The following CFAP61 variants were observed in gnomAD, a reference collection of about 807,000 sequenced individuals.
CFAP61 encodes cilia and flagella associated protein 61.
A neutral mutation model predicts 135.6 loss-of-function variants in CFAP61; 107 were observed. That is an observed-to-expected ratio of 0.79 (90% CI 0.67 to 0.93). CFAP61 has a LOEUF of 0.93. CFAP61 is among the 40% of genes least tolerant of loss of function. The pLI is 0.00. For synonymous variants in CFAP61, 575 were observed against 578.5 expected (o/e 0.99, Z 0.09); for missense variants, 1,507 against 1,556.2 (o/e 0.97, Z 0.53).
chr20:20,335,207 T>G (rs989330392), intron 25 of CFAP61, among the ~76,000 whole-genome samples: 9 of 152,286 alleles, frequency 5.9e-5, no homozygotes, highest in African/African-American at 1.7e-4. Flanking sequence ...AGTGTTCGGT[T>G]TTGGAGTAGT....
At chr20:20,183,669 A>T (rs1416288821) in intron 13 of CFAP61, among the ~76,000 whole-genome samples, 2 of 30,266 alleles carry the variant, frequency 6.6e-5, no homozygotes, top group East Asian at 4.6e-4. Flanking sequence ...AACCCATTAT[A>T]TCCAAAATAT....
chr20:20,112,541 G>A (rs1158131456), intron 8 of CFAP61, among the ~76,000 whole-genome samples: 1 of 151,334 alleles, frequency 6.6e-6, no homozygotes, highest in African/African-American at 2.4e-5. Context: ...GATTTTCCAG[G>A]GGCTTTCTGG....
At chr20:20,187,894 A>G in intron 13 of CFAP61, 36 bp from the exon 14 acceptor site, 3 of 1,544,778 alleles carry the variant, frequency 1.9e-6, no homozygotes, top group South Asian at 2.2e-5. Flanking sequence ...CATATTTAGT[A>G]CTTTAACTTA....
intron 13 of CFAP61, among the ~76,000 whole-genome samples, chr20:20,174,783 A>G (rs1295131748): frequency 6.6e-6 from 1 of 152,056 alleles, no homozygotes; most frequent in Non-Finnish European, 1.5e-5. Context: ...TGAGTGTGCT[A>G]ACAAATGAAT....
At chr20:20,064,613 A>G (rs1310681023) in intron 2 of CFAP61, among the ~76,000 whole-genome samples, 1 of 152,220 alleles carries the variant, frequency 6.6e-6, no homozygotes, top group African/African-American at 2.4e-5. Context: ...TCAGAATGGC[A>G]TGCAATTATA....
intron 18 of CFAP61, among the ~76,000 whole-genome samples, chr20:20,243,048 A>G (rs1420809959): frequency 6.6e-6 from 1 of 152,230 alleles, no homozygotes; most frequent in East Asian, 1.9e-4. Context: ...GGCCATTTAC[A>G]AAAGAAAGAG....
intron 20 of CFAP61, among the ~76,000 whole-genome samples, chr20:20,256,044 C>G (rs2051529185): frequency 6.6e-6 from 1 of 152,164 alleles, no homozygotes; most frequent in South Asian, 2.1e-4. Context: ...TCTCTGCCTC[C>G]CAGGCCCCAC....
chr20:20,337,350 GTGGGTGGATGGATGGA>G (rs1569310576), intron 25 of CFAP61, among the ~76,000 whole-genome samples: 15 of 6,028 alleles, frequency 2.5e-3, no homozygotes, highest in East Asian at 0.01. Flanking sequence ...AGATGGGTGG[GTGGGTGGATGGATGGA>G]TGGATGGATG....
intron 25 of CFAP61, among the ~76,000 whole-genome samples, chr20:20,311,426 G>A (rs1052173793): frequency 2.0e-5 from 3 of 152,178 alleles, no homozygotes; most frequent in South Asian, 2.1e-4. Flanking sequence ...TAGACATCAG[G>A]CAATGAAGGA....
At chr20:20,190,606 A>G (rs988372976) in intron 14 of CFAP61, among the ~76,000 whole-genome samples, 22 of 152,090 alleles carry the variant, frequency 1.4e-4, no homozygotes, top group Admixed American at 6.5e-5. Context: ...ACACCCCCAC[A>G]ATTGTATCAA....
chr20:20,151,332 T>A (rs1267164533), intron 9 of CFAP61, among the ~76,000 whole-genome samples: 1 of 112,458 alleles, frequency 8.9e-6, no homozygotes. Flanking sequence ...GCTTTCAAAT[T>A]AACCCAATTA....
chr20:20,277,254 C>T lies in CFAP61; in HGVS notation c.2592C>T (p.His864=). Residue 864 remains histidine (H), a synonymous_variant, in exon 22 of 27, where the codon CAC becomes CAT. Coordinates refer to ENST00000245957, the MANE Select transcript of CFAP61 (RefSeq NM_015585.4). ...TTGGCGTGAGCGGCAGCCGCATCCA[C>T]CTCGTGCAGCCCCCGCCCGCCTCCA... ...LNLGVSGSRI[H]LVQPPPASTI... is the part of the protein sequence containing the mutation. 9 of 1,614,034 alleles carry T rather than the reference C, an allele frequency of 5.6e-6. No individual in the cohort carries two copies. Among genetic ancestry groups the T allele is most frequent in the Non-Finnish European group, 7.6e-6 (9 of 1,180,008 alleles).
chr20:20,278,814 T>A (rs1224153269), intron 22 of CFAP61, among the ~76,000 whole-genome samples: 1 of 152,184 alleles, frequency 6.6e-6, no homozygotes, highest in African/African-American at 2.4e-5. Flanking sequence ...CCATGGAAAT[T>A]GTGTATTCTA....
chr20:20,190,950 C>T (rs562157019), intron 14 of CFAP61, among the ~76,000 whole-genome samples: 2 of 152,124 alleles, frequency 1.3e-5, no homozygotes, highest in African/African-American at 4.8e-5. Flanking sequence ...GTAACCTCAT[C>T]TCTACTAAAA....
chr20:20,192,217 T>C (rs2055970519), intron 15 of CFAP61, among the ~76,000 whole-genome samples: 1 of 152,130 alleles, frequency 6.6e-6, no homozygotes, highest in South Asian at 2.1e-4. Context: ...ATGTTGTTGT[T>C]GTTGTTGAAC....
At chr20:20,108,053 C>T (rs1454232708) in intron 8 of CFAP61, among the ~76,000 whole-genome samples, 2 of 152,066 alleles carry the variant, frequency 1.3e-5, no homozygotes, top group African/African-American at 2.4e-5. Context: ...TTAAACTTCC[C>T]TAAAACTGAA....
At chr20:20,286,288 G>A (rs916010655) in intron 22 of CFAP61, among the ~76,000 whole-genome samples, 1 of 152,240 alleles carries the variant, frequency 6.6e-6, no homozygotes, top group Admixed American at 6.5e-5. Flanking sequence ...GCTCTTAGCA[G>A]GTGGTCCAGC....
Position 20,355,122 on chromosome 20 carries a change from C to CTG in CFAP61, c.3514-5085_3514-5084dup, listed in dbSNP as rs1225179177. 7.5e-4 allele frequency among the ~76,000 whole-genome samples: 62 copies of CTG among 82,538 alleles called. No individual in the cohort carries two copies. The South Asian group carries it at 8.5e-3, about 11-fold the overall frequency. 54.1% of individuals were successfully genotyped at this position (82,538 alleles called of 152,430 possible). A position where few individuals can be genotyped will look rare whatever the true frequency, so the allele number is the denominator to read the frequency against. On this transcript the variant is annotated intron_variant, in intron 26 of 26. Coordinates refer to ENST00000245957, the MANE Select transcript of CFAP61 (RefSeq NM_015585.4). ...CACTGTGTGAGGGGAGGTGGTCACA[C>CTG]TGTGAGGGGAGGTGGTCACATTGTG...
intron 2 of CFAP61, among the ~76,000 whole-genome samples, chr20:20,064,056 G>T (rs989429701): frequency 1.8e-5 from 2 of 112,322 alleles, no homozygotes; most frequent in Admixed American, 2.3e-4. Flanking sequence ...CGCCTTATCT[G>T]AGGGGAATAT....
Sources: allele counts gnomAD v4.1 joint callset (sites outside exome capture counted in the v4.1 genomes callset), GRCh38; gene constraint gnomAD v4.1.1; transcripts MANE v1.5; gene names NCBI Gene and HGNC (gene_info 2026-07-23, HGNC 2026-07-21).